Variants in CDK5RAP2 observed in about 807,000 individuals in gnomAD.
CDK5RAP2 encodes CDK5 regulatory subunit associated protein 2.
In CDK5RAP2, 147 loss-of-function variants were observed where a neutral mutation model predicts 232.9. The ratio of observed to expected loss-of-function variants is 0.63; its 90% CI spans 0.55 to 0.72. The LOEUF (loss-of-function observed/expected upper bound fraction) is 0.72, where lower values mean the gene tolerates loss of function less well. Ranked by LOEUF, CDK5RAP2 falls within the 30% of genes least tolerant of loss-of-function variation. The pLI is 0.00. For missense variants in CDK5RAP2, 2,195 were observed against 2,231.5 expected (o/e 0.98, Z 0.33); for synonymous variants, 833 against 833.7 (o/e 1.00, Z 0.01).
intron 34 of CDK5RAP2, among the ~76,000 whole-genome samples, chr9:120,401,560 C>T (rs1330158854): frequency 8.0e-6 from 1 of 124,348 alleles, no homozygotes; most frequent in African/African-American, 3.1e-5. Context: ...TGCAGTGTGC[C>T]ATAATCATGC....
intron 5 of CDK5RAP2, among the ~76,000 whole-genome samples, chr9:120,545,117 C>T (rs1398037553): frequency 1.3e-5 from 2 of 151,978 alleles, no homozygotes; most frequent in Non-Finnish European, 2.9e-5. Flanking sequence ...CCCTAGGACA[C>T]TTAACAGATC....
At chr9:120,560,719 C>T (rs894761607) in intron 3 of CDK5RAP2, among the ~76,000 whole-genome samples, 17 of 152,150 alleles carry the variant, frequency 1.1e-4, no homozygotes, top group Non-Finnish European at 2.4e-4. Flanking sequence ...CGGGCTCAAG[C>T]GATTCTCCTG....
At chr9:120,426,224 A>C (rs2034891426) in intron 25 of CDK5RAP2, among the ~76,000 whole-genome samples, 1 of 152,246 alleles carries the variant, frequency 6.6e-6, no homozygotes, top group Non-Finnish European at 1.5e-5. Context: ...GACAGATCTC[A>C]ACCAGTTTTG....
chr9:120,545,736 C>T lies in CDK5RAP2; in HGVS notation c.361G>A (p.Glu121Lys). ...ESLKRELQER[E>K]QLLIKASKAV... is the part of the protein sequence containing the mutation. ...CACGAGGCTTTGATGAGCAGCTGCT[C>T]TCTCTCCTGGAGTTCCCGCTTCAGA... The change falls in exon 5 of 38, where the codon GAG (glutamate) becomes AAG (lysine). Residue 121 changes from glutamate to lysine, a missense_variant. By Grantham distance (56) the Glu-to-Lys change is moderately conservative. Coordinates refer to ENST00000349780, the MANE Select transcript of CDK5RAP2 (RefSeq NM_018249.6). 1 of 1,613,908 alleles carries T rather than the reference C, an allele frequency of 6.2e-7. No homozygotes were observed. Among genetic ancestry groups the T allele is most frequent in the Non-Finnish European group, 8.5e-7 (1 of 1,179,814 alleles).
chr9:120,415,904 T>A (rs1181032048), intron 27 of CDK5RAP2, among the ~76,000 whole-genome samples: 3 of 152,192 alleles, frequency 2.0e-5, no homozygotes, highest in Admixed American at 6.5e-5. Context: ...ACTCCAAATG[T>A]AACTGTAGTA....
At chr9:120,444,358 T>C (rs2131355164) in intron 22 of CDK5RAP2, among the ~76,000 whole-genome samples, 1 of 152,350 alleles carries the variant, frequency 6.6e-6, no homozygotes, top group Middle Eastern at 3.4e-3. Flanking sequence ...CTTTCCTCCA[T>C]GAAGGTCCCC....
chr9:120,443,855 A>C, intron 22 of CDK5RAP2, 113 bp from the exon 23 acceptor site: 3 of 1,354,062 alleles, frequency 2.2e-6, no homozygotes, highest in Non-Finnish European at 3.1e-6. Context: ...AACACTGGGG[A>C]GGCAAAATGC....
chr9:120,552,099 T>C (rs1045989916), intron 3 of CDK5RAP2, among the ~76,000 whole-genome samples: 3 of 151,784 alleles, frequency 2.0e-5, no homozygotes, highest in African/African-American at 7.3e-5. Context: ...AAAATGCTCA[T>C]CATCACTGGC....
chr9:120,496,545 G>A (rs2039258172), intron 12 of CDK5RAP2, among the ~76,000 whole-genome samples: 1 of 149,748 alleles, frequency 6.7e-6, no homozygotes. Flanking sequence ...CAGCCGCCCC[G>A]TCCGGGAGGG....
chr9:120,541,214 C>T (rs1159689010), intron 5 of CDK5RAP2, among the ~76,000 whole-genome samples: 11 of 152,160 alleles, frequency 7.2e-5, no homozygotes, highest in Admixed American at 6.5e-4. Context: ...CTACCCTTTC[C>T]CTTACCCCTC....
chr9:120,518,165 CTGTGTGTGTGTGTG>C lies in CDK5RAP2; in HGVS notation c.1311+248_1311+261del, dbSNP rs56032707. Among the ~76,000 whole-genome samples the C allele has an allele frequency of 5.5e-3, 613 of 111,254 alleles. 6 individuals are homozygous for C. The highest frequency in any genetic ancestry group is 0.018 in the African/African-American group (545 of 30,450). 73.0% of individuals were successfully genotyped at this position (111,254 alleles called of 152,430 possible). A position where few individuals can be genotyped will look rare whatever the true frequency, so the allele number is the denominator to read the frequency against. ...CTGTATTTTCAACTCGATAACAACTCTGTGTGTGTGTGTGTGTGTGTGTGTGTGTGTGTGTGTGT... is the reference window on the plus strand; with the variant it reads ...CTGTATTTTCAACTCGATAACAACTCTGTGTGTGTGTGTGTGTGTGTGTGT... On this transcript the variant is annotated intron_variant, in intron 12 of 37. Coordinates refer to ENST00000349780, the MANE Select transcript of CDK5RAP2 (RefSeq NM_018249.6).
At chr9:120,418,044 G>A (rs1161650988) in intron 27 of CDK5RAP2, among the ~76,000 whole-genome samples, 1 of 152,160 alleles carries the variant, frequency 6.6e-6, no homozygotes, top group Non-Finnish European at 1.5e-5. Context: ...GGAAAGCTTA[G>A]GACAGAACGT....
intron 12 of CDK5RAP2, among the ~76,000 whole-genome samples, chr9:120,498,660 A>T (rs981770626): frequency 6.6e-6 from 1 of 152,076 alleles, no homozygotes; most frequent in Non-Finnish European, 1.5e-5. Context: ...GGAACTCGCT[A>T]TATTGTTTTT....
chr9:120,418,491 G>A (rs535169412), intron 27 of CDK5RAP2, among the ~76,000 whole-genome samples: 6 of 152,172 alleles, frequency 3.9e-5, no homozygotes, highest in African/African-American at 9.7e-5. Flanking sequence ...CAAAGTCCTC[G>A]TGGGAGTGGT....
chr9:120,461,548 T>TA, intron 18 of CDK5RAP2, among the ~76,000 whole-genome samples: 1 of 152,264 alleles, frequency 6.6e-6, no homozygotes, highest in Non-Finnish European at 1.5e-5. Flanking sequence ...ATCTGACCAA[T>TA]AAAAGAGTCT....
chr9:120,531,224 G>A (rs573770036), intron 7 of CDK5RAP2, among the ~76,000 whole-genome samples: 3 of 151,844 alleles, frequency 2.0e-5, no homozygotes, highest in East Asian at 3.9e-4. Context: ...ACCTTTGCTC[G>A]TGCTATTCCT....
chr9:120,453,285 A>G (rs1021900888), intron 21 of CDK5RAP2, among the ~76,000 whole-genome samples, 171 bp downstream of exon 21: 8 of 152,176 alleles, frequency 5.3e-5, no homozygotes, highest in Admixed American at 3.9e-4. Flanking sequence ...AGGCAGGGGA[A>G]GGTCAGTGAG....
At chr9:120,474,149 G>A (rs1263129412) in intron 15 of CDK5RAP2, among the ~76,000 whole-genome samples, 1 of 152,170 alleles carries the variant, frequency 6.6e-6, no homozygotes, top group Non-Finnish European at 1.5e-5. Flanking sequence ...CGATTGTGTT[G>A]AGGAATAAAT....
intron 22 of CDK5RAP2, among the ~76,000 whole-genome samples, chr9:120,446,736 A>G (rs1428388628): frequency 1.3e-5 from 2 of 151,912 alleles, no homozygotes; most frequent in African/African-American, 4.8e-5. Context: ...CTATTCATCC[A>G]TCTTCCCCTG....
Sources: gnomAD v4.1 joint callset for allele counts (sites outside exome capture counted in the v4.1 genomes callset) on GRCh38, gnomAD v4.1.1 for gene constraint, MANE v1.5 for transcripts, NCBI Gene and HGNC (gene_info 2026-07-23, HGNC 2026-07-21) for gene names.